Variants in MMD2 observed in about 807,000 individuals in gnomAD.
The protein encoded by MMD2 is monocyte to macrophage differentiation associated 2, also known as monocyte to macrophage differentiation factor 2.
A neutral mutation model predicts 33.5 loss-of-function variants in MMD2; 30 were observed. The ratio of observed to expected loss-of-function variants is 0.90; its 90% CI spans 0.67 to 1.22. MMD2 has a LOEUF of 1.22. Ranked by LOEUF, MMD2 falls within the 50% of genes most tolerant of loss-of-function variation. MMD2 has a pLI of 0.00. For missense variants in MMD2, 364 were observed against 325.4 expected (o/e 1.12, Z -0.91); for synonymous variants, 129 against 123.0 (o/e 1.05, Z -0.32).
downstream of MMD2, among the ~76,000 whole-genome samples, chr7:4,904,105 G>C (rs193118819): frequency 6.6e-6 from 1 of 152,150 alleles, no homozygotes. Flanking sequence ...GCTACTTTTT[G>C]TATTTTTAGT....
chr7:4,893,639 GCCTC>G, the MMD2 span, among the ~76,000 whole-genome samples: 1 of 151,572 alleles, frequency 6.6e-6, no homozygotes, highest in African/African-American at 2.4e-5. Flanking sequence ...TGATGTGCCT[GCCTC>G]GGCCTCCCAA....
At chr7:4,909,835 T>C (rs1309186506) in intron 6 of MMD2, 46 bp downstream of exon 6, 7 of 1,578,444 alleles carry the variant, frequency 4.4e-6, no homozygotes, top group Non-Finnish European at 6.0e-6. Flanking sequence ...TCGGACACTC[T>C]TGGTCTCTTG....
At chr7:4,937,094 A>G (rs1785761702) in intron 1 of MMD2, among the ~76,000 whole-genome samples, 1 of 151,024 alleles carries the variant, frequency 6.6e-6, no homozygotes, top group Non-Finnish European at 1.5e-5. Context: ...GAGACTGGGT[A>G]ATTTATAAAG....
intron 1 of MMD2, among the ~76,000 whole-genome samples, chr7:4,931,038 A>T (rs1359338987): frequency 6.6e-6 from 1 of 151,990 alleles, no homozygotes; most frequent in African/African-American, 2.4e-5. Context: ...TTTAGTAGAG[A>T]TGGGGTTTCA....
At chr7:4,939,746 T>C (rs2942558) in intron 1 of MMD2, among the ~76,000 whole-genome samples, 47,902 of 128,566 alleles carry the variant, frequency 0.37, 8,802 homozygotes, top group Non-Finnish European at 0.48. Context: ...TTCTTTCTTT[T>C]TTTTTTTTTT....
downstream of MMD2, among the ~76,000 whole-genome samples, chr7:4,905,282 GGAAGAA>G (rs544349900): frequency 1.8e-3 from 266 of 146,350 alleles, no homozygotes; most frequent in African/African-American, 5.4e-3. The surrounding 1 kb of genome is among the most constrained non-coding windows in gnomAD (Gnocchi z 5.0). Flanking sequence ...AAGAGGAAGA[GGAAGAA>G]GAAGAAGAAG....
At chr7:4,920,385 C>T (rs1382646995) in intron 2 of MMD2, 54 bp from the exon 3 acceptor site, 1 of 1,558,726 alleles carries the variant, frequency 6.4e-7, no homozygotes. Context: ...GCTCAGAGCA[C>T]ACCTCCTGCC....
Position 4,909,878 on chromosome 7 carries a change from T to A in MMD2, c.537+3A>T. 1 of 1,611,416 alleles carries A rather than the reference T, an allele frequency of 6.2e-7. No individual in the cohort carries two copies. Among genetic ancestry groups the A allele is most frequent in the Non-Finnish European group, 8.5e-7 (1 of 1,178,746 alleles). On this transcript the variant is annotated splice_donor_region_variant and intron_variant, in intron 6 of 6. Transcript: ENST00000401401. Reference sequence around the variant, plus strand: ...TCATCTATGCAGGGCTGGCAGCACTTACCATGGAGAGGATGACCAGGGCGG... The same window carrying A: ...TCATCTATGCAGGGCTGGCAGCACTAACCATGGAGAGGATGACCAGGGCGG...
chr7:4,892,517 G>T, the MMD2 span, among the ~76,000 whole-genome samples: 20 of 151,614 alleles, frequency 1.3e-4, no homozygotes, highest in Non-Finnish European at 2.1e-4. Flanking sequence ...GAACCTGGGA[G>T]ACAGAGGATG....
chr7:4,914,622 G>A (rs1460235938), intron 4 of MMD2, among the ~76,000 whole-genome samples: 1 of 152,134 alleles, frequency 6.6e-6, no homozygotes. Flanking sequence ...ATCACAACCA[G>A]GGGTAAAGGT....
intron 1 of MMD2, among the ~76,000 whole-genome samples, chr7:4,950,446 T>A (rs896212768): frequency 3.3e-5 from 5 of 152,030 alleles, no homozygotes; most frequent in Non-Finnish European, 4.4e-5. Flanking sequence ...TCTCCAGAAC[T>A]CTTTTTATCT....
At chr7:4,919,107 A>AT (rs919596507) in intron 3 of MMD2, among the ~76,000 whole-genome samples, 3 of 151,832 alleles carry the variant, frequency 2.0e-5, no homozygotes, top group Non-Finnish European at 4.4e-5. Context: ...TCAAAAAAAA[A>AT]TAAAAATCAA....
chr7:4,936,170 A>T (rs1376164531), intron 1 of MMD2, among the ~76,000 whole-genome samples: 1 of 149,934 alleles, frequency 6.7e-6, no homozygotes, highest in Non-Finnish European at 1.5e-5. Context: ...GGGTGACGAG[A>T]ATGAAACTCT....
intron 1 of MMD2, among the ~76,000 whole-genome samples, chr7:4,928,126 G>A (rs1019520437): frequency 6.6e-6 from 1 of 152,142 alleles, no homozygotes. Flanking sequence ...TCACCTGGAC[G>A]TTGCCAAGCA....
At chr7:4,902,084 G>A (rs1784802229), downstream of MMD2, among the ~76,000 whole-genome samples, 5 of 152,076 alleles carry the variant, frequency 3.3e-5, no homozygotes, top group Admixed American at 3.3e-4. Context: ...CTGAATAGCT[G>A]GGATTACAGG....
At chr7:4,955,571 G>A (rs1786361886) in intron 1 of MMD2, among the ~76,000 whole-genome samples, 1 of 151,918 alleles carries the variant, frequency 6.6e-6, no homozygotes, top group African/African-American at 2.4e-5. Flanking sequence ...AAGACTTGTG[G>A]GGAAAAAAAT....
chr7:4,926,814 G>C (rs532378667), intron 1 of MMD2, among the ~76,000 whole-genome samples: 6 of 151,508 alleles, frequency 4.0e-5, no homozygotes, highest in African/African-American at 7.3e-5. Context: ...GTGCGATCTC[G>C]GCTCACAGCA....
intron 1 of MMD2, among the ~76,000 whole-genome samples, chr7:4,936,876 A>T (rs917128307): frequency 6.6e-6 from 1 of 151,952 alleles, no homozygotes; most frequent in East Asian, 2.0e-4. Flanking sequence ...CTGGGATGAC[A>T]GGTGTTTGCC....
intron 1 of MMD2, among the ~76,000 whole-genome samples, chr7:4,953,813 T>C (rs1786315958): frequency 6.6e-6 from 1 of 152,198 alleles, no homozygotes; most frequent in Non-Finnish European, 1.5e-5. Flanking sequence ...ATTGAATTAC[T>C]TTGGACTTTA....
Sources: gnomAD v4.1 joint callset for allele counts (sites outside exome capture counted in the v4.1 genomes callset) on GRCh38, gnomAD v4.1.1 for gene constraint, Gnocchi (gnomAD v3.1) non-coding constraint, MANE v1.5 for transcripts, NCBI Gene and HGNC (gene_info 2026-07-23, HGNC 2026-07-21) for gene names.